The following BIRC6 variants were observed in gnomAD, a reference collection of about 807,000 sequenced individuals.
BIRC6 encodes dual E2 ubiquitin-conjugating enzyme/E3 ubiquitin-protein ligase BIRC6.
BIRC6 carries 98 observed loss-of-function variants against 503.3 expected under a neutral mutation model. That is an observed-to-expected ratio of 0.19 (90% CI 0.17 to 0.23). BIRC6 has a LOEUF of 0.23. BIRC6 is among the 10% of genes least tolerant of loss of function. The probability of loss-of-function intolerance (pLI) is 1.00; values close to 1 mark genes in which losing one functional copy is unlikely to be tolerated. For missense variants in BIRC6, 5,360 were observed against 5,806.0 expected, an observed-to-expected ratio of 0.92 and a Z score of 2.50; for synonymous variants, 2,240 against 2,078.7, an observed-to-expected ratio of 1.08 and a Z score of -2.11.
At position 32,505,046 on chromosome 2, in the gene BIRC6, G is replaced by A. The variant is rs1399071628; in HGVS notation, c.9541G>A (p.Val3181Met). The part of the protein sequence containing the change: ...SSSPTAQPAE[V>M]LLQATPPHRR... Reference sequence around the variant, plus strand: ...CAGTCCTACTGCCCAACCAGCTGAAGTGCTATTGCAGGCCACACCTCCTCA... The same window carrying A: ...CAGTCCTACTGCCCAACCAGCTGAAATGCTATTGCAGGCCACACCTCCTCA... Residue 3181 changes from valine (V) to methionine (M), a missense_variant, in exon 50 of 74, where the codon GTG becomes ATG. Val to Met is a conservative substitution (Grantham distance 21). Around this residue, in one of 16 missense-constraint regions of BIRC6, gnomAD observed 267 missense variants for 287.6 expected, o/e 0.93. Coordinates refer to ENST00000421745, the MANE Select transcript of BIRC6 (RefSeq NM_016252.4). 1 of 1,613,844 alleles carries A rather than the reference G, an allele frequency of 6.2e-7. No individual in the cohort carries two copies.
intron 45 of BIRC6, among the ~76,000 whole-genome samples, chr2:32,496,743 T>G (rs2052523423): frequency 6.6e-6 from 1 of 152,188 alleles, no homozygotes; most frequent in African/African-American, 2.4e-5. Context: ...AAAAAAATCA[T>G]TTTGAGTGAG....
intron 66 of BIRC6, among the ~76,000 whole-genome samples, chr2:32,592,029 C>A (rs1231897379): frequency 6.6e-6 from 1 of 152,210 alleles, no homozygotes; most frequent in African/African-American, 2.4e-5. Context: ...TACAGTCTCA[C>A]CTTAATTTCA....
Position 32,474,542 on chromosome 2 carries a change from A to G in BIRC6, c.6720+1303A>G, listed in dbSNP as rs947804475. The stretch of plus-strand genomic sequence containing the variant: ...TAATTGGTGGTCAGGTGTCAGTATT[A>G]CTTCTCTCATTTTGATGGTTGTAAC... On this transcript the variant is annotated intron_variant, in intron 33 of 73. Coordinates refer to ENST00000421745, the MANE Select transcript of BIRC6 (RefSeq NM_016252.4). 5.3e-5 allele frequency among the ~76,000 whole-genome samples: 8 copies of G among 152,138 alleles called. No individual in the cohort carries two copies. In the East Asian group the frequency reaches 1.5e-3, roughly 29 times the overall value.
Position 32,469,495 on chromosome 2 carries a change from A to G in BIRC6, c.6228A>G (p.Leu2076=), listed in dbSNP as rs888635703. ...LCISGTPKIR[L]HTGLLLVQLC... ...TCAGTGGAACCCCAAAGATACGGTT[A>G]CATACTGGTCTTCTTCTTGTTCAAC... The change falls in exon 30 of 74, where the codon TTA becomes TTG. Residue 2076 remains leucine (L), a synonymous_variant. Coordinates refer to ENST00000421745, the MANE Select transcript of BIRC6 (RefSeq NM_016252.4). 1 of 1,613,816 alleles carries G rather than the reference A, an allele frequency of 6.2e-7. No homozygotes were observed. Among genetic ancestry groups the G allele is most frequent in the Non-Finnish European group, 8.5e-7 (1 of 1,179,840 alleles).
In BIRC6 at chr2:32,468,694, A is replaced by C. The variant is rs1218021411; in HGVS notation, c.6038A>C (p.Asp2013Ala). ...TTGAGTGAAACATCAAATCCAGAAG[A>C]TTTAATTCAGACATCTTCCACAGAG... is the stretch of plus-strand genomic sequence containing the variant. Reference protein sequence around the residue: ...KMLSETSNPEDLIQTSSTEQL... With the variant: ...KMLSETSNPEALIQTSSTEQL... The change falls in exon 29 of 74, where the codon GAT (aspartate) becomes GCT (alanine). Residue 2013 changes from aspartate (D) to alanine (A), a missense_variant. Physicochemically the swap from Asp to Ala is moderately radical, Grantham distance 126 (BLOSUM62 -2). This residue lies in a region of BIRC6 where 2,299 missense variants were observed against 2,267.2 expected (regional missense o/e 1.01). Coordinates refer to ENST00000421745, the MANE Select transcript of BIRC6 (RefSeq NM_016252.4). The C allele has an allele frequency of 2.5e-6, 4 of 1,613,878 alleles. No individual in the cohort carries two copies. The highest frequency in any genetic ancestry group is 3.4e-6 in the Non-Finnish European group (4 of 1,179,860).
chr2:32,549,253 A>G, intron 64 of BIRC6, 60 bp from the exon 65 acceptor site: 1 of 1,241,630 alleles, frequency 8.1e-7, no homozygotes, highest in South Asian at 2.6e-5. Flanking sequence ...TTTCTAACCT[A>G]CAATAAAAAC....
intron 65 of BIRC6, among the ~76,000 whole-genome samples, chr2:32,556,620 T>G (rs1424500429): frequency 6.6e-6 from 1 of 152,142 alleles, no homozygotes; most frequent in Non-Finnish European, 1.5e-5. Context: ...TTTTGCAAAC[T>G]AGATGTTTTT....
chr2:32,597,850 G>T lies in BIRC6; in HGVS notation c.13712G>T (p.Ser4571Ile). The T allele has an allele frequency of 6.2e-7, 1 of 1,613,764 alleles. No homozygotes were observed. The highest frequency in any genetic ancestry group is 1.1e-5 in the South Asian group (1 of 91,076). The change falls in exon 69 of 74, where the codon AGT becomes ATT. Residue 4571 changes from serine (S) to isoleucine (I), a missense_variant. Around this residue, in one of 16 missense-constraint regions of BIRC6, gnomAD observed 477 missense variants for 574.4 expected, o/e 0.83. Coordinates refer to ENST00000421745, the MANE Select transcript of BIRC6 (RefSeq NM_016252.4). ...GTGAAAAATGCTAATGATGCGAACA[G>T]TGCTGCCAGAGCTCGCCGCCTTGCC... The part of the protein sequence containing the change: ...SQVKNANDAN[S>I]AARARRLAQE...
chr2:32,611,854 T>C (rs1312311538), intron 73 of BIRC6, among the ~76,000 whole-genome samples: 1 of 152,150 alleles, frequency 6.6e-6, no homozygotes, highest in Non-Finnish European at 1.5e-5. Flanking sequence ...TGACAAGATG[T>C]GCTCCATGAA....
chr2:32,568,470 C>G (rs965875586), intron 65 of BIRC6, among the ~76,000 whole-genome samples: 6 of 101,896 alleles, frequency 5.9e-5, no homozygotes, highest in African/African-American at 7.6e-5. Context: ...CCAGCCTGGG[C>G]AACAGAGTGA....
chr2:32,453,795 C>CT lies in BIRC6; in HGVS notation c.4619-9dup. 1 of 1,610,128 alleles carries CT rather than the reference C, an allele frequency of 6.2e-7. No homozygotes were observed. Among genetic ancestry groups the CT allele is most frequent in the Non-Finnish European group, 8.5e-7 (1 of 1,178,504 alleles). ...TATCTTCACGTGTTATAAAACTTGTCTTTTGCCATTAGGAAATGGAAAGGT... is the reference window on the plus strand; with the variant it reads ...TATCTTCACGTGTTATAAAACTTGTCTTTTTGCCATTAGGAAATGGAAAGGT... On this transcript the variant is annotated splice_polypyrimidine_tract_variant and intron_variant, in intron 22 of 73. Coordinates refer to ENST00000421745, the MANE Select transcript of BIRC6 (RefSeq NM_016252.4).
At position 32,504,892 on chromosome 2, in the gene BIRC6, A is replaced by G. The variant is rs564011590; in HGVS notation, c.9500-113A>G. ...GATACTAAGTGCATTACCAGCATCA[A>G]TTGTTCATGTTTTCAATTAATTTTT... is the stretch of plus-strand genomic sequence containing the variant. On this transcript the variant is annotated intron_variant, in intron 49 of 73. Coordinates refer to ENST00000421745, the MANE Select transcript of BIRC6 (RefSeq NM_016252.4). 721 of 956,368 alleles carry G rather than the reference A, an allele frequency of 7.5e-4. 1 individual carries two copies. The highest frequency in any genetic ancestry group is 1.0e-3 in the Non-Finnish European group (646 of 636,824). 59.2% of individuals were successfully genotyped at this position (956,368 alleles called of 1,614,324 possible). A position where few individuals can be genotyped will look rare whatever the true frequency, so the allele number is the denominator to read the frequency against.
chr2:32,473,782 T>C (rs1179781472), intron 33 of BIRC6, among the ~76,000 whole-genome samples: 1 of 141,262 alleles, frequency 7.1e-6, no homozygotes, highest in Non-Finnish European at 1.5e-5. Context: ...AGACAGGGTC[T>C]CATTCTATTA....
At chr2:32,417,405 A>C (rs906372841) in intron 10 of BIRC6, among the ~76,000 whole-genome samples, 1 of 152,174 alleles carries the variant, frequency 6.6e-6, no homozygotes, top group Non-Finnish European at 1.5e-5. Flanking sequence ...CGGCCTCCCA[A>C]AGTGCTGGGA....
chr2:32,502,660 G>A, intron 47 of BIRC6, 135 bp from the exon 48 acceptor site: 1 of 577,684 alleles, frequency 1.7e-6, no homozygotes, highest in East Asian at 3.2e-5. Flanking sequence ...ATGTATTTTG[G>A]CAGACATTTT....
chr2:32,444,887 A>C (rs2045794559), intron 20 of BIRC6, among the ~76,000 whole-genome samples: 1 of 152,248 alleles, frequency 6.6e-6, no homozygotes, highest in South Asian at 2.1e-4. Flanking sequence ...ATTTTGACTC[A>C]GTTGCTCATT....
rs1454343438 is a variant in BIRC6, at chr2:32,388,893, A to C, written c.789A>C (p.Leu263Phe). 1.9e-6 allele frequency: 3 copies of C among 1,609,848 alleles called. No homozygotes were observed. Among genetic ancestry groups the C allele is most frequent in the Non-Finnish European group, 2.5e-6 (3 of 1,178,548 alleles). Residue 263 changes from leucine (L) to phenylalanine (F), a missense_variant, in exon 4 of 74, where the codon TTA becomes TTC. Leu to Phe is a conservative substitution (Grantham distance 22, BLOSUM62 0). Coordinates refer to ENST00000421745, the MANE Select transcript of BIRC6 (RefSeq NM_016252.4). ...SSVMDRLSYL[L>F]PSARPELGVG... ...TGATGGACAGATTGTCTTACCTCTT[A>C]CCTAGTGCACGTCCAGAACTCGGAG...
intron 66 of BIRC6, among the ~76,000 whole-genome samples, chr2:32,575,682 G>T (rs948271271): frequency 6.6e-6 from 1 of 151,668 alleles, no homozygotes; most frequent in Non-Finnish European, 1.5e-5. Flanking sequence ...GGAGAATGGC[G>T]TGAACCCGGG....
intron 55 of BIRC6, among the ~76,000 whole-genome samples, chr2:32,516,754 T>C (rs1287555645): frequency 6.6e-6 from 1 of 152,084 alleles, no homozygotes; most frequent in Admixed American, 6.6e-5. Context: ...TCTAGTTGGC[T>C]TTTTGCCAAA....
Sources: gnomAD v4.1 joint callset for allele counts (sites outside exome capture counted in the v4.1 genomes callset) on GRCh38, gnomAD v4.1.1 for gene constraint, gnomAD v4.1.1 regional missense constraint, MANE v1.5 for transcripts, NCBI Gene and HGNC (gene_info 2026-07-23, HGNC 2026-07-21) for gene names.